The following PPP6R2 variants were observed in gnomAD, a reference collection of about 807,000 sequenced individuals.
PPP6R2 encodes the protein serine/threonine-protein phosphatase 6 regulatory subunit 2.
PPP6R2 carries 62 observed loss-of-function variants against 100.2 expected under a neutral mutation model. The observed-to-expected ratio is 0.62, with a 90% CI of 0.50 to 0.76. PPP6R2 has a LOEUF of 0.76. PPP6R2 is among the 30% of genes least tolerant of loss of function. The probability of loss-of-function intolerance (pLI) is 0.00; values close to 1 mark genes in which losing one functional copy is unlikely to be tolerated. For synonymous variants in PPP6R2, 525 were observed against 514.7 expected (o/e 1.02, Z -0.27); for missense variants, 1,142 against 1,276.3 (o/e 0.89, Z 1.60).
chr22:50,404,136 C>T (rs888416519), intron 3 of PPP6R2, among the ~76,000 whole-genome samples: 5 of 151,272 alleles, frequency 3.3e-5, no homozygotes, highest in East Asian at 1.9e-4. Flanking sequence ...GCTCTGTCAC[C>T]CAGACTGGAG....
intron 1 of PPP6R2, among the ~76,000 whole-genome samples, chr22:50,346,268 A>C (rs1328086515): frequency 2.3e-5 from 1 of 43,610 alleles, no homozygotes; most frequent in Non-Finnish European, 4.1e-5. Context: ...TCCCCTAGTC[A>C]GTTCCCCCCA....
chr22:50,339,572 AGTGT>A (rs1214139815), upstream of PPP6R2, among the ~76,000 whole-genome samples: 5 of 35,342 alleles, frequency 1.4e-4, no homozygotes, highest in Admixed American at 3.4e-4. Flanking sequence ...TGTGGTATGT[AGTGT>A]GTGTGTGGTG....
At chr22:50,338,224 TTGGTG>T in the PPP6R2 span, among the ~76,000 whole-genome samples, 1 of 134,234 alleles carries the variant, frequency 7.4e-6, no homozygotes, top group African/African-American at 3.3e-5. Context: ...GTGTGGTGTG[TTGGTG>T]TGTGTGTGTG....
At chr22:50,427,971 T>C (rs374435905) in intron 10 of PPP6R2, among the ~76,000 whole-genome samples, 9 of 152,204 alleles carry the variant, frequency 5.9e-5, no homozygotes, top group South Asian at 4.1e-4. Context: ...CCGCCCACCT[T>C]GGCCTCCCAA....
At chr22:50,349,422 A>G (rs2044511542) in intron 1 of PPP6R2, among the ~76,000 whole-genome samples, 1 of 150,710 alleles carries the variant, frequency 6.6e-6, no homozygotes, top group Admixed American at 6.7e-5. Context: ...TAATCCCAGC[A>G]CTTTGGGAGG....
intron 5 of PPP6R2, among the ~76,000 whole-genome samples, chr22:50,415,598 G>A (rs909380153): frequency 5.3e-5 from 8 of 152,362 alleles, no homozygotes; most frequent in Non-Finnish European, 8.8e-5. Flanking sequence ...AGTGCGGTGC[G>A]GTAGCCAGGT....
intron 10 of PPP6R2, among the ~76,000 whole-genome samples, chr22:50,425,995 T>A (rs2062066973): frequency 1.3e-5 from 2 of 152,118 alleles, no homozygotes; most frequent in South Asian, 4.1e-4. Context: ...TTTTTTTAGA[T>A]GTAGGGTCTT....
chr22:50,348,945 A>T lies in PPP6R2; in HGVS notation c.-148+5395A>T, dbSNP rs144142986. The stretch of plus-strand genomic sequence containing the variant: ...AGTGGCTCACGCCTGTAATCCCAGC[A>T]CTTTGGGATGCTGAGGCGGGCGGAT... On this transcript the variant is annotated intron_variant, in intron 1 of 23. Transcript: ENST00000612753. Among the ~76,000 whole-genome samples the T allele has an allele frequency of 2.6e-3, 395 of 152,202 alleles. 1 individual carries two copies. The highest frequency in any genetic ancestry group is 9.1e-3 in the African/African-American group (376 of 41,542).
chr22:50,336,434 A>G, the PPP6R2 span, among the ~76,000 whole-genome samples: 1 of 151,714 alleles, frequency 6.6e-6, no homozygotes, highest in East Asian at 2.0e-4. Context: ...TGGAGTGCGA[A>G]GGCGCGATCT....
chr22:50,409,012 G>T (rs2059376196), intron 4 of PPP6R2, among the ~76,000 whole-genome samples: 1 of 152,204 alleles, frequency 6.6e-6, no homozygotes, highest in Non-Finnish European at 1.5e-5. Context: ...TACTCAGGAG[G>T]CTGAGGCAGG....
At chr22:50,377,923 C>T (rs2051977395) in intron 2 of PPP6R2, among the ~76,000 whole-genome samples, 1 of 152,108 alleles carries the variant, frequency 6.6e-6, no homozygotes, top group African/African-American at 2.4e-5. Flanking sequence ...AGGAGAATTG[C>T]TTGACCCCAG....
chr22:50,349,363 CA>C (rs1225878624), intron 1 of PPP6R2, among the ~76,000 whole-genome samples: 1,151 of 56,318 alleles, frequency 0.02, 11 homozygotes, highest in East Asian at 0.084. Context: ...GACCCTGTCT[CA>C]AAAAAAAAAA....
intron 3 of PPP6R2, among the ~76,000 whole-genome samples, chr22:50,397,932 C>T (rs1167702371): frequency 1.2e-5 from 1 of 85,994 alleles, no homozygotes; most frequent in African/African-American, 3.8e-5. Context: ...GCCTTGTCAT[C>T]TCTGAGCTTT....
At chr22:50,414,505 G>A (rs757927213) in intron 4 of PPP6R2, 47 bp from the exon 5 acceptor site, 3 of 1,602,552 alleles carry the variant, frequency 1.9e-6, no homozygotes, top group Non-Finnish European at 2.6e-6. Flanking sequence ...GTGTCTCAGG[G>A]TTGTCAGGGT....
At chr22:50,348,664 G>T (rs1185277766) in intron 1 of PPP6R2, among the ~76,000 whole-genome samples, 1 of 152,116 alleles carries the variant, frequency 6.6e-6, no homozygotes, top group Non-Finnish European at 1.5e-5. Context: ...GGGTCACTAG[G>T]GAGAAGGTAT....
Position 50,444,064 on chromosome 22 carries a change from A to C in PPP6R2, c.2778A>C (p.Ala926=). 6.2e-7 allele frequency: 1 copy of C among 1,612,878 alleles called. No individual in the cohort carries two copies. Among genetic ancestry groups the C allele is most frequent in the Non-Finnish European group, 8.5e-7 (1 of 1,179,552 alleles). ...AVAVPLGPIM[A]VTAAPAMVAT... ...CGGTCCCCCTAGGGCCCATCATGGC[A>C]GTCACAGCAGCCCCAGCCATGGTGG... is the stretch of plus-strand genomic sequence containing the variant. The change falls in exon 23 of 24, where the codon GCA becomes GCC. Residue 926 remains alanine, a synonymous_variant. Transcript: ENST00000612753.
chr22:50,359,181 GTA>G (rs1446847963), intron 1 of PPP6R2, among the ~76,000 whole-genome samples: 1 of 147,980 alleles, frequency 6.8e-6, no homozygotes, highest in African/African-American at 2.5e-5. Context: ...TGTATTGTTA[GTA>G]GAGACACGGT....
At chr22:50,406,636 A>C in intron 3 of PPP6R2, 53 bp from the exon 4 acceptor site, 1 of 1,527,748 alleles carries the variant, frequency 6.5e-7, no homozygotes, top group South Asian at 1.1e-5. Context: ...GCAGCTTCCT[A>C]AGAGTTGGAG....
chr22:50,337,838 GGT>G, the PPP6R2 span, among the ~76,000 whole-genome samples: 2 of 144,870 alleles, frequency 1.4e-5, no homozygotes, highest in Admixed American at 6.9e-5. Flanking sequence ...GTGTGTGTGG[GGT>G]GTGTGTGGTG....
Sources: allele counts gnomAD v4.1 joint callset (sites outside exome capture counted in the v4.1 genomes callset), GRCh38; gene constraint gnomAD v4.1.1; transcripts MANE v1.5; gene names NCBI Gene and HGNC (gene_info 2026-07-23, HGNC 2026-07-21).